PAX5: variants seen among roughly 807,000 people sequenced by gnomAD.
PAX5 encodes the protein paired box protein Pax-5.
PAX5 carries 9 observed loss-of-function variants against 43.7 expected under a neutral mutation model. The observed-to-expected ratio is 0.21, with a 90% confidence interval of 0.12 to 0.36. The LOEUF is 0.36. Among genes scored for constraint, PAX5 ranks in the 10% least tolerant of loss-of-function variants. PAX5 has a pLI of 1.00. For missense variants in PAX5, 383 were observed against 532.7 expected (o/e 0.72, Z 2.77); for synonymous variants, 228 against 214.3 (o/e 1.06, Z -0.56).
rs764592116 is a variant in PAX5, at chr9:36,966,640, G to A, written c.689C>T (p.Thr230Ile). 2 of 1,614,250 alleles carry A rather than the reference G, an allele frequency of 1.2e-6. No homozygotes were observed. The highest frequency in any genetic ancestry group is 1.7e-6 in the Non-Finnish European group (2 of 1,180,044). The change falls in exon 6 of 10, where the codon ACA becomes ATA. Residue 230 changes from threonine (T) to isoleucine (I), a missense_variant. This residue lies in a region of PAX5 where 291 missense variants were observed against 342.5 expected (regional missense o/e 0.85). Transcript: ENST00000358127. The part of the protein sequence containing the change: ...LRKQMRGDLF[T>I]QQQLEVLDRV... ...GTCCAGCACCTCCAGCTGCTGCTGTGTGAACAAGTCTCCCCGCATCTGCTT... is the reference window on the plus strand; with the variant it reads ...GTCCAGCACCTCCAGCTGCTGCTGTATGAACAAGTCTCCCCGCATCTGCTT...
At chr9:37,024,906 G>C (rs1470840932) in intron 1 of PAX5, among the ~76,000 whole-genome samples, 1 of 152,248 alleles carries the variant, frequency 6.6e-6, no homozygotes, top group Non-Finnish European at 1.5e-5. Context: ...AGTGAGGAGA[G>C]AAGTGCAGGG....
chr9:36,879,193 C>CCTG (rs1394875732), intron 8 of PAX5, among the ~76,000 whole-genome samples: 1 of 152,186 alleles, frequency 6.6e-6, no homozygotes, highest in Non-Finnish European at 1.5e-5. Flanking sequence ...GCCTGTGATT[C>CCTG]CTGCTGCCCT....
At chr9:36,961,408 C>A (rs1289337040) in intron 6 of PAX5, among the ~76,000 whole-genome samples, 1 of 152,242 alleles carries the variant, frequency 6.6e-6, no homozygotes, top group Non-Finnish European at 1.5e-5. Flanking sequence ...CTGTCTCTGG[C>A]CCAATGGGAG....
chr9:37,020,589 G>C (rs759492792), intron 2 of PAX5, 47 bp downstream of exon 2: 3 of 1,579,626 alleles, frequency 1.9e-6, no homozygotes, highest in Non-Finnish European at 2.6e-6. Flanking sequence ...TCATGTTTTA[G>C]GTCTTTATTT....
chr9:36,847,377 C>T (rs573389767), intron 8 of PAX5, among the ~76,000 whole-genome samples: 2 of 152,314 alleles, frequency 1.3e-5, no homozygotes, highest in South Asian at 2.1e-4. Flanking sequence ...AGTTCTACCC[C>T]CCACCTGCTG....
intron 8 of PAX5, among the ~76,000 whole-genome samples, chr9:36,851,378 C>T (rs965388078): frequency 6.6e-6 from 1 of 152,130 alleles, no homozygotes; most frequent in Non-Finnish European, 1.5e-5. Flanking sequence ...GGTGTTTAAT[C>T]TACCTCTGCC....
chr9:36,853,615 T>C (rs1823372088), intron 8 of PAX5, among the ~76,000 whole-genome samples: 1 of 152,224 alleles, frequency 6.6e-6, no homozygotes. Context: ...AGCAGAGCCT[T>C]AAGAAATTTC....
chr9:36,919,055 T>C (rs1829935257), intron 7 of PAX5, among the ~76,000 whole-genome samples: 1 of 152,220 alleles, frequency 6.6e-6, no homozygotes, highest in Admixed American at 6.5e-5. Context: ...GACTCTCTTG[T>C]TAGGGGCTAA....
chr9:36,937,907 CAT>C (rs1229004844), intron 6 of PAX5, among the ~76,000 whole-genome samples: 3 of 152,308 alleles, frequency 2.0e-5, no homozygotes, highest in African/African-American at 7.2e-5. Context: ...TAAACAGTAA[CAT>C]GTGGCACTGT....
Position 36,891,055 on chromosome 9 carries a change from C to T in PAX5, c.911-8950G>A, listed in dbSNP as rs113664051. On this transcript the variant is annotated intron_variant, in intron 7 of 9. Transcript: ENST00000358127. ...TCAGGAGGCTGAGGCAGGAGAATTG[C>T]TTGAACTTGGGAGGTGGAGGTTGCA... 2.2e-4 allele frequency among the ~76,000 whole-genome samples: 33 copies of T among 152,270 alleles called. No individual in the cohort carries two copies. In the East Asian group the frequency reaches 3.7e-3, roughly 17 times the overall value.
At chr9:36,920,140 A>T (rs1830048541) in intron 7 of PAX5, among the ~76,000 whole-genome samples, 1 of 152,202 alleles carries the variant, frequency 6.6e-6, no homozygotes, top group South Asian at 2.1e-4. Context: ...TTAAGATGAA[A>T]TCTACTCCTG....
intron 7 of PAX5, chr9:36,923,118 C>T (rs1830312315): frequency 6.3e-6 from 3 of 474,960 alleles, no homozygotes; most frequent in Non-Finnish European, 1.1e-5. Flanking sequence ...AAGTCCCCTC[C>T]AGCCCACAGT....
At chr9:37,007,886 GTTGT>G (rs1324268296) in intron 3 of PAX5, 1 of 152,010 alleles carries the variant, frequency 6.6e-6, no homozygotes, top group Non-Finnish European at 1.5e-5. Flanking sequence ...TGTTGTGGTG[GTTGT>G]TTGTTTTGAG....
intron 6 of PAX5, among the ~76,000 whole-genome samples, chr9:36,955,998 G>C (rs755862381): frequency 6.6e-6 from 1 of 152,096 alleles, no homozygotes; most frequent in East Asian, 1.9e-4. Context: ...ACTTCCTTAA[G>C]TCAAACTTCC....
At chr9:36,971,096 T>C (rs1227073782) in intron 5 of PAX5, among the ~76,000 whole-genome samples, 1 of 152,230 alleles carries the variant, frequency 6.6e-6, no homozygotes, top group Admixed American at 6.5e-5. Flanking sequence ...TAGTGAGTGC[T>C]AATGCCAGGG....
At chr9:37,024,550 C>G (rs1007752669) in intron 1 of PAX5, among the ~76,000 whole-genome samples, 2 of 152,190 alleles carry the variant, frequency 1.3e-5, no homozygotes, top group Admixed American at 1.3e-4. Flanking sequence ...CTACATTGTG[C>G]AAGAAAACAG....
At chr9:36,996,259 C>A (rs188117916) in intron 5 of PAX5, among the ~76,000 whole-genome samples, 69 of 152,388 alleles carry the variant, frequency 4.5e-4, no homozygotes, top group African/African-American at 1.6e-3. Flanking sequence ...CAGCCAGGCC[C>A]TGGGGCCACG....
At chr9:36,863,776 C>T (rs577216021) in intron 8 of PAX5, among the ~76,000 whole-genome samples, 80 of 152,234 alleles carry the variant, frequency 5.3e-4, no homozygotes, top group African/African-American at 1.7e-3. Context: ...ACACGCAGGT[C>T]GGGGAATGAA....
At chr9:36,942,437 GC>G (rs1338974618) in intron 6 of PAX5, among the ~76,000 whole-genome samples, 1 of 152,240 alleles carries the variant, frequency 6.6e-6, no homozygotes, top group East Asian at 1.9e-4. Context: ...TATCACAGAA[GC>G]GTTCACAGTG....
Sources: gnomAD v4.1 joint callset for allele counts (sites outside exome capture counted in the v4.1 genomes callset) on GRCh38, gnomAD v4.1.1 for gene constraint, gnomAD v4.1.1 regional missense constraint, MANE v1.5 for transcripts, NCBI Gene and HGNC (gene_info 2026-07-23, HGNC 2026-07-21) for gene names.